SEMA3A: variants seen among roughly 807,000 people sequenced by gnomAD.
SEMA3A encodes the protein semaphorin-3A.
A neutral mutation model predicts 97.9 loss-of-function variants in SEMA3A; 29 were observed. That is an observed-to-expected ratio of 0.30 (90% CI 0.22 to 0.40). SEMA3A has a LOEUF of 0.40. Ranked by LOEUF, SEMA3A falls within the 10% of genes least tolerant of loss-of-function variation. The pLI is 1.00. For synonymous variants in SEMA3A, 321 were observed against 323.7 expected (o/e 0.99, Z 0.09); for missense variants, 763 against 951.3 (o/e 0.80, Z 2.60).
At chr7:84,009,502 C>A (rs17158484) in intron 9 of SEMA3A, among the ~76,000 whole-genome samples, 8,230 of 152,208 alleles carry the variant, frequency 0.054, 300 homozygotes, top group African/African-American at 0.098. Context: ...TGCAGTTAAT[C>A]ATTTTCTTTG....
intron 1 of SEMA3A, among the ~76,000 whole-genome samples, chr7:84,420,946 A>G (rs1302438910): frequency 4.0e-5 from 6 of 151,810 alleles, no homozygotes; most frequent in Non-Finnish European, 7.4e-5. Context: ...ACCAGCTCCT[A>G]GATTCATTGA....
rs1321398491 is a variant in SEMA3A at position 84,376,340 on chromosome 7, C to T, written c.-245-4440G>A. 3.5e-5 allele frequency among the ~76,000 whole-genome samples: 4 copies of T among 115,488 alleles called. 1 individual carries two copies. The highest frequency in any genetic ancestry group is 7.5e-5 in the Non-Finnish European group (4 of 52,984). The allele number at this position is 115,488 out of a possible 152,430, so 75.8% of individuals were successfully genotyped here. A position where few individuals can be genotyped will look rare whatever the true frequency, so the allele number is the denominator to read the frequency against. On this transcript the variant is annotated intron_variant, in intron 1 of 3. Transcript: ENST00000424555. Reference sequence around the variant, plus strand: ...AGTGTTGGCCGGGCGCGGTGGCTCACGCCTGTAATCCCAGCACTTTGGGAG... The same window carrying T: ...AGTGTTGGCCGGGCGCGGTGGCTCATGCCTGTAATCCCAGCACTTTGGGAG...
chr7:84,444,690 T>C (rs1805361433), intron 1 of SEMA3A, among the ~76,000 whole-genome samples: 1 of 151,658 alleles, frequency 6.6e-6, no homozygotes, highest in Admixed American at 6.6e-5. Context: ...GCCTCCCGAG[T>C]AGCTGGGACT....
At chr7:84,351,497 T>C (rs1430700307) in intron 2 of SEMA3A, among the ~76,000 whole-genome samples, 2 of 151,892 alleles carry the variant, frequency 1.3e-5, no homozygotes, top group Admixed American at 1.3e-4. Flanking sequence ...CCAGAATATA[T>C]AAGGAGCTTA....
At chr7:84,220,499 A>G (rs901120314) in intron 3 of SEMA3A, among the ~76,000 whole-genome samples, 1 of 152,176 alleles carries the variant, frequency 6.6e-6, no homozygotes, top group African/African-American at 2.4e-5. Context: ...GATCCATCAG[A>G]GGAGTCACTA....
intron 3 of SEMA3A, among the ~76,000 whole-genome samples, chr7:84,287,031 C>T (rs1800606538): frequency 6.6e-6 from 1 of 151,802 alleles, no homozygotes; most frequent in Admixed American, 6.6e-5. Flanking sequence ...ATGTGTTTGA[C>T]TCACTATGCT....
intron 3 of SEMA3A, among the ~76,000 whole-genome samples, chr7:84,293,151 T>A (rs1278715359): frequency 6.6e-6 from 1 of 152,060 alleles, no homozygotes; most frequent in Non-Finnish European, 1.5e-5. Flanking sequence ...AAGCACATTT[T>A]AAAAAATGTT....
At chr7:84,380,784 G>A (rs1201584901) in intron 1 of SEMA3A, among the ~76,000 whole-genome samples, 1 of 152,142 alleles carries the variant, frequency 6.6e-6, no homozygotes, top group African/African-American at 2.4e-5. Context: ...AGTTTCCAAA[G>A]GCCTCTCTCT....
intron 1 of SEMA3A, among the ~76,000 whole-genome samples, chr7:84,418,174 G>C (rs1411374129): frequency 6.6e-6 from 1 of 151,954 alleles, no homozygotes; most frequent in Non-Finnish European, 1.5e-5. Context: ...TCTCATGCTG[G>C]TAATAAAGAC....
chr7:84,088,181 C>A (rs186868595), intron 4 of SEMA3A, among the ~76,000 whole-genome samples: 9 of 152,186 alleles, frequency 5.9e-5, no homozygotes, highest in African/African-American at 2.2e-4. Context: ...GCTTGCCAGG[C>A]GCAGTGGCTC....
At chr7:84,142,587 A>G (rs1028573327) in intron 1 of SEMA3A, among the ~76,000 whole-genome samples, 1 of 152,116 alleles carries the variant, frequency 6.6e-6, no homozygotes, top group African/African-American at 2.4e-5. Context: ...CTAAGAACTG[A>G]TTTTGGAAAA....
intron 1 of SEMA3A, among the ~76,000 whole-genome samples, chr7:84,481,982 ATC>A (rs1320671996): frequency 2.6e-5 from 4 of 151,706 alleles, no homozygotes; most frequent in African/African-American, 9.6e-5. Context: ...ATTAGTACAT[ATC>A]TTTTTAAGAG....
intron 3 of SEMA3A, among the ~76,000 whole-genome samples, chr7:84,115,213 A>G (rs899648896): frequency 2.0e-5 from 3 of 152,098 alleles, no homozygotes; most frequent in African/African-American, 7.2e-5. Context: ...TAAACCTATG[A>G]TAACTGAAAA....
At chr7:84,438,823 A>G (rs1386627608) in intron 1 of SEMA3A, among the ~76,000 whole-genome samples, 1 of 152,044 alleles carries the variant, frequency 6.6e-6, no homozygotes, top group Non-Finnish European at 1.5e-5. Context: ...CATAGTCTAC[A>G]TATTATAATA....
At chr7:84,317,876 T>A (rs890717214) in intron 2 of SEMA3A, among the ~76,000 whole-genome samples, 1 of 152,282 alleles carries the variant, frequency 6.6e-6, no homozygotes, top group South Asian at 2.1e-4. Flanking sequence ...GAAAAAAATA[T>A]GATTTAAGGT....
chr7:84,437,193 A>G (rs571532022), intron 1 of SEMA3A, among the ~76,000 whole-genome samples: 1 of 152,212 alleles, frequency 6.6e-6, no homozygotes, highest in Admixed American at 6.5e-5. Context: ...AATTCAAAGG[A>G]AAGTATATTT....
At chr7:84,272,999 A>G (rs1025032685) in intron 3 of SEMA3A, among the ~76,000 whole-genome samples, 6 of 152,130 alleles carry the variant, frequency 3.9e-5, no homozygotes, top group Non-Finnish European at 8.8e-5. Context: ...AAATAAATAT[A>G]GATTTGTGCA....
intron 7 of SEMA3A, among the ~76,000 whole-genome samples, chr7:84,012,740 A>G (rs1790932023): frequency 6.6e-6 from 1 of 152,200 alleles, no homozygotes; most frequent in Non-Finnish European, 1.5e-5. Flanking sequence ...AAGAAAACTG[A>G]TTTAACCTAA....
intron 1 of SEMA3A, among the ~76,000 whole-genome samples, chr7:84,171,774 A>T (rs1360312343): frequency 6.6e-6 from 1 of 152,076 alleles, no homozygotes; most frequent in Non-Finnish European, 1.5e-5. Context: ...TTAAGGGAGG[A>T]CCAAATTATT....
Sources: allele counts gnomAD v4.1 joint callset (sites outside exome capture counted in the v4.1 genomes callset), GRCh38; gene constraint gnomAD v4.1.1; transcripts MANE v1.5; gene names NCBI Gene and HGNC (gene_info 2026-07-23, HGNC 2026-07-21).